KANK3: variants seen among roughly 807,000 people sequenced by gnomAD.
KANK3 encodes KN motif and ankyrin repeat domains 3.
A neutral mutation model predicts 65.4 loss-of-function variants in KANK3; 61 were observed. The observed-to-expected ratio is 0.93, with a 90% confidence interval of 0.76 to 1.15. The LOEUF (loss-of-function observed/expected upper bound fraction) is 1.15. KANK3 is among the 50% of genes most tolerant of loss of function. KANK3 has a pLI of 0.00. For missense variants in KANK3, 1,187 were observed against 1,178.8 expected (o/e 1.01, Z -0.10); for synonymous variants, 586 against 543.3 (o/e 1.08, Z -1.09).
chr19:8,329,406 G>C lies in KANK3; in HGVS notation c.1936+3608C>G, dbSNP rs535983241. 5.3e-3 allele frequency among the ~76,000 whole-genome samples: 755 copies of C among 141,670 alleles called. 5 individuals carry two copies. The highest frequency in any genetic ancestry group is 0.02 in the African/African-American group (733 of 37,456). 92.9% of individuals were successfully genotyped at this position (141,670 alleles called of 152,430 possible). A position where few individuals can be genotyped will look rare whatever the true frequency, so the allele number is the denominator to read the frequency against. ...GGAGGCTGAGGCAGGAGAATCACTC[G>C]AACCCGGGAGGCAGAGGTTGCAGTG... On this transcript the variant is annotated intron_variant, in intron 7 of 10. Transcript: ENST00000330915.
intron 1 of KANK3, among the ~76,000 whole-genome samples, chr19:8,340,759 C>T (rs1341764466): frequency 6.6e-6 from 1 of 152,198 alleles, no homozygotes; most frequent in African/African-American, 2.4e-5. Flanking sequence ...TGACCTCTCC[C>T]TTCCCACTCC....
chr19:8,336,562 C>G (rs1318425581), intron 2 of KANK3, among the ~76,000 whole-genome samples: 2 of 149,126 alleles, frequency 1.3e-5, no homozygotes, highest in Admixed American at 1.4e-4. Flanking sequence ...CAAAGTGAGA[C>G]CCCATCTCCA....
intron 7 of KANK3, among the ~76,000 whole-genome samples, chr19:8,326,375 T>C (rs112992332): frequency 0.094 from 14,062 of 149,430 alleles, 702 homozygotes; most frequent in East Asian, 0.14. Context: ...TGAGCCAAGA[T>C]CACGCCACTG....
In KANK3 at chr19:8,333,679, A is replaced by AG; in HGVS notation, c.1719+44dup. ...CTAAGTGGGCGTCAGAGGTCCTTGG[A>AG]GGCTCCCACGCCACTCCCTGGTGCT... On this transcript the variant is annotated intron_variant, in intron 6 of 10. Coordinates refer to ENST00000330915, the MANE Select transcript of KANK3 (RefSeq NM_198471.3). This position sits in a 1 kb window ranked among gnomAD's most constrained non-coding sequence, Gnocchi z 5.0. The AG allele has an allele frequency of 2.3e-5, 32 of 1,398,078 alleles. No individual in the cohort carries two copies. Among genetic ancestry groups the AG allele is most frequent in the Non-Finnish European group, 3.0e-5 (32 of 1,068,010 alleles). 86.6% of individuals were successfully genotyped at this position (1,398,078 alleles called of 1,614,324 possible).
chr19:8,335,944 C>G, intron 2 of KANK3, 152 bp from the exon 3 acceptor site: 1 of 524,196 alleles, frequency 1.9e-6, no homozygotes. Context: ...TGAGCACCTA[C>G]TCTGTGCTAA....
chr19:8,330,309 T>C (rs1970501093), intron 7 of KANK3, among the ~76,000 whole-genome samples: 1 of 152,004 alleles, frequency 6.6e-6, no homozygotes. Context: ...AAATGGGAAT[T>C]AGAGGCTGGG....
At position 8,334,803 on chromosome 19, in the gene KANK3, C is replaced by T; in HGVS notation, c.1024G>A (p.Glu342Lys). ...GCCGCAGGCAGCCCCAGCAGCGCCTCGGTCACCCACGCGTCCGCCTCCACG... is the reference window on the plus strand; with the variant it reads ...GCCGCAGGCAGCCCCAGCAGCGCCTTGGTCACCCACGCGTCCGCCTCCACG... ...ETVEADAWVT[E>K]ALLGLPAAAE... The change falls in exon 3 of 11, where the codon GAG becomes AAG. Residue 342 changes from glutamate to lysine, a missense_variant. Physicochemically the swap from Glu to Lys is moderately conservative, Grantham distance 56. Transcript: ENST00000330915. 6.7e-7 allele frequency: 1 copy of T among 1,495,720 alleles called. No individual in the cohort carries two copies. Among genetic ancestry groups the T allele is most frequent in the Non-Finnish European group, 8.8e-7 (1 of 1,131,430 alleles). 92.7% of individuals were successfully genotyped at this position (1,495,720 alleles called of 1,614,324 possible).
At position 8,333,785 on chromosome 19, in the gene KANK3, C is replaced by T; in HGVS notation, c.1658G>A (p.Arg553Lys). 6.6e-7 allele frequency: 1 copy of T among 1,522,888 alleles called. No homozygotes were observed. The highest frequency in any genetic ancestry group is 8.8e-7 in the Non-Finnish European group (1 of 1,131,990). The allele number at this position is 1,522,888 out of a possible 1,614,324, so 94.3% of individuals were successfully genotyped here. ...CCGCTGCAGCGCTACGCACGCCTCC[C>T]TCAGACGCGGGCTCAGCTCGCACCT... ...QGRCELSPRL[R>K]EACVALQRQL... Residue 553 changes from arginine (R) to lysine (K), a missense_variant, in exon 6 of 11, where the codon AGG (arginine) becomes AAG (lysine). By Grantham distance (26) the Arg-to-Lys change is conservative. This residue lies in a region of KANK3 where 1,078 missense variants were observed against 1,038.2 expected (regional missense o/e 1.04). Transcript: ENST00000330915. The surrounding 1 kb of genome is among the most constrained non-coding windows in gnomAD (Gnocchi z 5.0).
chr19:8,325,053 G>T lies in KANK3; in HGVS notation c.1980C>A (p.Ala660=). 1 of 1,613,942 alleles carries T rather than the reference G, an allele frequency of 6.2e-7. No individual in the cohort carries two copies. The highest frequency in any genetic ancestry group is 8.5e-7 in the Non-Finnish European group (1 of 1,180,024). Residue 660 remains alanine (A), a synonymous_variant, in exon 8 of 11, where the codon GCC becomes GCA. Transcript: ENST00000330915. ...CAGAGGTGAGTGCAGCCAGCATGAGGGCCGAGTAGCCGGCTCGGTTCTGGC... is the reference window on the plus strand; with the variant it reads ...CAGAGGTGAGTGCAGCCAGCATGAGTGCCGAGTAGCCGGCTCGGTTCTGGC... ...VNRQNRAGYS[A]LMLAALTSVR... is the part of the protein sequence containing the mutation.
rs942568072 is a variant in KANK3, at chr19:8,322,705, A to C, written c.*134T>G. The C allele has an allele frequency of 3.0e-6, 2 of 666,418 alleles. No individual in the cohort carries two copies. Among genetic ancestry groups the C allele is most frequent in the Admixed American group, 2.9e-5 (1 of 34,424 alleles). The allele number at this position is 666,418 out of a possible 1,614,324, so 41.3% of individuals were successfully genotyped here. A position where few individuals can be genotyped will look rare whatever the true frequency, so the allele number is the denominator to read the frequency against. Reference sequence around the variant, plus strand: ...GCCCCTTCCTGCCACAGTCACCCCAACTGAAATTGCCTTTCTCTTCGGCCA... The same window carrying C: ...GCCCCTTCCTGCCACAGTCACCCCACCTGAAATTGCCTTTCTCTTCGGCCA... On this transcript the variant is annotated 3_prime_UTR_variant, in exon 11 of 11. Coordinates refer to ENST00000330915, the MANE Select transcript of KANK3 (RefSeq NM_198471.3).
chr19:8,325,296 C>CATTTTTTTTT (rs1970406665), intron 7 of KANK3, among the ~76,000 whole-genome samples, 200 bp from the exon 8 acceptor site: 1 of 78,604 alleles, frequency 1.3e-5, no homozygotes, highest in African/African-American at 5.4e-5. Flanking sequence ...CCTGTTTCAT[C>CATTTTTTTTT]TTTTTTTTTT....
At chr19:8,331,665 C>G (rs574494532) in intron 7 of KANK3, among the ~76,000 whole-genome samples, 13 of 152,240 alleles carry the variant, frequency 8.5e-5, no homozygotes, top group Non-Finnish European at 1.5e-4. Flanking sequence ...GCACAGTGCC[C>G]CATCCCAGGA....
At position 8,329,363 on chromosome 19, in the gene KANK3, A is replaced by G. The variant is rs779830315; in HGVS notation, c.1936+3651T>C. Among the ~76,000 whole-genome samples, 9 of 148,382 alleles carry G rather than the reference A, an allele frequency of 6.1e-5. No individual in the cohort carries two copies. The East Asian group carries it at 1.4e-3, about 24-fold the overall frequency. The stretch of plus-strand genomic sequence containing the variant: ...TTAGCCGGGCATGATGGCGCTTGCC[A>G]GTAATCCCAGCTACTCGGGAGGCTG... On this transcript the variant is annotated intron_variant, in intron 7 of 10. Coordinates refer to ENST00000330915, the MANE Select transcript of KANK3 (RefSeq NM_198471.3).
chr19:8,325,296 C>CTTTTTT lies in KANK3; in HGVS notation c.1937-206_1937-201dup, dbSNP rs573315741. 3.4e-4 allele frequency among the ~76,000 whole-genome samples: 27 copies of CTTTTTT among 78,636 alleles called. 4 individuals are homozygous for CTTTTTT. The highest frequency in any genetic ancestry group is 1.2e-3 in the East Asian group (3 of 2,526). The allele number at this position is 78,636 out of a possible 152,430, so 51.6% of individuals were successfully genotyped here. A position where few individuals can be genotyped will look rare whatever the true frequency, so the allele number is the denominator to read the frequency against. The stretch of plus-strand genomic sequence containing the variant: ...TCAGTGAAGGACCTTCCTGTTTCAT[C>CTTTTTT]TTTTTTTTTTTTTTTTTTTTTTTTT... On this transcript the variant is annotated intron_variant, in intron 7 of 10. Coordinates refer to ENST00000330915, the MANE Select transcript of KANK3 (RefSeq NM_198471.3).
In KANK3 at chr19:8,328,426, C is replaced by CAT. The variant is rs1303677579; in HGVS notation, c.1937-3331_1937-3330insAT. 1.1e-4 allele frequency among the ~76,000 whole-genome samples: 13 copies of CAT among 115,530 alleles called. 1 individual carries two copies. In the South Asian group the frequency reaches 3.4e-3, roughly 30 times the overall value. The allele number at this position is 115,530 out of a possible 152,430, so 75.8% of individuals were successfully genotyped here. A position where few individuals can be genotyped will look rare whatever the true frequency, so the allele number is the denominator to read the frequency against. On this transcript the variant is annotated intron_variant, in intron 7 of 10. Coordinates refer to ENST00000330915, the MANE Select transcript of KANK3 (RefSeq NM_198471.3). Reference sequence around the variant, plus strand: ...ACACACACACACACACACACACACACACACACACTCAAAACTACACATTCC... The same window carrying CAT: ...ACACACACACACACACACACACACACATACACACACTCAAAACTACACATTCC...
chr19:8,327,661 GTT>G (rs1970452957), intron 7 of KANK3, among the ~76,000 whole-genome samples: 1 of 152,156 alleles, frequency 6.6e-6, no homozygotes, highest in South Asian at 2.1e-4. Context: ...GAGTGTGGTG[GTT>G]CATGCCTGTG....
intron 7 of KANK3, 27 bp downstream of exon 7, chr19:8,332,987 T>TGTGGGCC: frequency 2.5e-6 from 1 of 395,198 alleles, no homozygotes; most frequent in Non-Finnish European, 4.8e-6. Flanking sequence ...TTTCCTGGTG[T>TGTGGGCC]CCCACCCACC....
chr19:8,328,723 G>T (rs1465876092), intron 7 of KANK3, among the ~76,000 whole-genome samples: 1 of 152,076 alleles, frequency 6.6e-6, no homozygotes, highest in Non-Finnish European at 1.5e-5. Flanking sequence ...GGGAAGTGGG[G>T]AGCTGAGAAG....
Position 8,334,745 on chromosome 19 carries a change from C to A in KANK3, c.1082G>T (p.Ser361Ile), listed in dbSNP as rs1404201377. ...ACTCACCCCGCGCTGGTGCTCCAGA[C>A]TGGCGCGCAGCAGCTCTAGCTCGCG... ...AERELELLRA[S>I]LEHQRGVSEL... The change falls in exon 3 of 11, where the codon AGT becomes ATT. Residue 361 changes from serine (S) to isoleucine (I), a missense_variant. Transcript: ENST00000330915. 3.9e-6 allele frequency: 6 copies of A among 1,527,046 alleles called. No homozygotes were observed. The highest frequency in any genetic ancestry group is 5.2e-6 in the Non-Finnish European group (6 of 1,144,350). The allele number at this position is 1,527,046 out of a possible 1,614,324, so 94.6% of individuals were successfully genotyped here. A position where few individuals can be genotyped will look rare whatever the true frequency, so the allele number is the denominator to read the frequency against.
Sources: allele counts gnomAD v4.1 joint callset (sites outside exome capture counted in the v4.1 genomes callset), GRCh38; gene constraint gnomAD v4.1.1; regional missense constraint gnomAD v4.1.1; non-coding constraint Gnocchi (gnomAD v3.1); transcripts MANE v1.5; gene names NCBI Gene and HGNC (gene_info 2026-07-23, HGNC 2026-07-21).